LZTS3: variants seen among roughly 807,000 people sequenced by gnomAD.
LZTS3 encodes the protein leucine zipper tumor suppressor family member 3, also known as leucine zipper putative tumor suppressor 3.
In LZTS3, 16 loss-of-function variants were observed where a neutral mutation model predicts 50.9. The ratio of observed to expected loss-of-function variants is 0.31; its 90% CI spans 0.21 to 0.48. The LOEUF is 0.48. Ranked by LOEUF, LZTS3 falls within the 20% of genes least tolerant of loss-of-function variation. The pLI is 0.99. For missense variants in LZTS3, 816 were observed against 931.0 expected (o/e 0.88, Z 1.61); for synonymous variants, 408 against 410.6 (o/e 0.99, Z 0.08).
Position 3,165,170 on chromosome 20 carries a change from AGAG to A in LZTS3, c.1324-21_1324-19del, listed in dbSNP as rs1428738209. On this transcript the variant is annotated intron_variant, in intron 4 of 4. Coordinates refer to ENST00000337576, the MANE Select transcript of LZTS3 (RefSeq NM_001365618.1). The surrounding 1 kb of genome is among the most constrained non-coding windows in gnomAD (Gnocchi z 5.0). ...TGGCACACCTGGGCAGGAACAGGTG[AGAG>A]GAGAAGCCAGGTAAAGGCAGAGCTC... 1.2e-5 allele frequency: 18 copies of A among 1,517,900 alleles called. No individual in the cohort carries two copies. The African/African-American group carries it at 1.2e-4, about 10-fold the overall frequency. 94.0% of individuals were successfully genotyped at this position (1,517,900 alleles called of 1,614,324 possible). A position where few individuals can be genotyped will look rare whatever the true frequency, so the allele number is the denominator to read the frequency against.
chr20:3,165,675 G>A lies in LZTS3; in HGVS notation c.1145C>T (p.Ala382Val). ...CTGTAGGCCCTGCTGGGCGCGCTGG[G>A]CACGTCGGGCCACCTGCTGTAGCTT... is the stretch of plus-strand genomic sequence containing the variant. ...SGKLQQVARRAQRAQQGLQLQ... is the reference protein window; with the variant it reads ...SGKLQQVARRVQRAQQGLQLQ... Residue 382 changes from alanine to valine, a missense_variant, in exon 4 of 5, where the codon GCC becomes GTC. Coordinates refer to ENST00000337576, the MANE Select transcript of LZTS3 (RefSeq NM_001365618.1). The surrounding 1 kb of genome is among the most constrained non-coding windows in gnomAD (Gnocchi z 5.0). 6.3e-7 allele frequency: 1 copy of A among 1,585,048 alleles called. No homozygotes were observed. Among genetic ancestry groups the A allele is most frequent in the Non-Finnish European group, 8.5e-7 (1 of 1,173,218 alleles).
intron 1 of LZTS3, among the ~76,000 whole-genome samples, chr20:3,169,312 C>T (rs561377099): frequency 6.6e-6 from 1 of 152,320 alleles, no homozygotes; most frequent in South Asian, 2.1e-4. Flanking sequence ...TAAGTATGGA[C>T]CCTTCTCTTG....
At chr20:3,172,571 C>T (rs75857963) in intron 1 of LZTS3, among the ~76,000 whole-genome samples, 3,696 of 152,260 alleles carry the variant, frequency 0.024, 159 homozygotes, top group African/African-American at 0.084. Flanking sequence ...CTCCACCCCC[C>T]AGAGGGGGCA....
At chr20:3,173,223 G>A (rs1316926051) in intron 1 of LZTS3, among the ~76,000 whole-genome samples, 1 of 152,056 alleles carries the variant, frequency 6.6e-6, no homozygotes, top group Non-Finnish European at 1.5e-5. Context: ...GGCGCAGAGG[G>A]AAGAGGTGAC....
At chr20:3,172,857 G>A (rs55785911) in intron 1 of LZTS3, among the ~76,000 whole-genome samples, 48,930 of 151,986 alleles carry the variant, frequency 0.32, 8,574 homozygotes, top group South Asian at 0.59. Flanking sequence ...GGGGTGCAGA[G>A]ATATCCAGAA....
intron 1 of LZTS3, among the ~76,000 whole-genome samples, chr20:3,169,132 G>A (rs1455748413): frequency 6.6e-6 from 1 of 152,166 alleles, no homozygotes; most frequent in African/African-American, 2.4e-5. Context: ...AGAGAGCCAC[G>A]TAGGGCACAA....
At chr20:3,166,570 G>A in intron 3 of LZTS3, 135 bp downstream of exon 3, 2 of 1,244,378 alleles carry the variant, frequency 1.6e-6, no homozygotes, top group Non-Finnish European at 2.2e-6. Context: ...CAGGTCCCCA[G>A]TCCATGACTC....
chr20:3,164,531 G>C lies in LZTS3; in HGVS notation c.1945C>G (p.Pro649Ala). The change falls in exon 5 of 5, where the codon CCC becomes GCC. Residue 649 changes from proline (P) to alanine (A), a missense_variant. Pro to Ala is a conservative substitution (Grantham distance 27, BLOSUM62 -1). This residue lies in a region of LZTS3 where 107 missense variants were observed against 130.4 expected (regional missense o/e 0.82). Transcript: ENST00000337576. ...TTCTCCTCGCCATGCTGGGGAGTGG[G>C]CGTGCTTGCACCCCCTGCGGCCCCG... ...ERGAAGGAST[P>A]TPQHGEEKKA... 1 of 1,601,694 alleles carries C rather than the reference G, an allele frequency of 6.2e-7. No homozygotes were observed. Among genetic ancestry groups the C allele is most frequent in the South Asian group, 1.1e-5 (1 of 89,350 alleles).
In LZTS3 at chr20:3,167,158, C is replaced by G; in HGVS notation, c.6G>C (p.Ala2=). M[A]KLETLPVRAD... ...CGCGCACAGGCAGCGTCTCCAGCTT[C>G]GCCATGACTAAGCCAGGGGGGCACT... The change falls in exon 3 of 5, where the codon GCG becomes GCC. Residue 2 remains alanine (A), a synonymous_variant. Coordinates refer to ENST00000337576, the MANE Select transcript of LZTS3 (RefSeq NM_001365618.1). The G allele has an allele frequency of 6.8e-7, 1 of 1,476,682 alleles. No homozygotes were observed. The highest frequency in any genetic ancestry group is 1.4e-5 in the South Asian group (1 of 71,756). The allele number at this position is 1,476,682 out of a possible 1,614,324, so 91.5% of individuals were successfully genotyped here.
At position 3,166,911 on chromosome 20, in the gene LZTS3, G is replaced by A. The variant is rs146374515; in HGVS notation, c.253C>T (p.Arg85Cys). The stretch of plus-strand genomic sequence containing the variant: ...AGACCCTTGTCCTCTGAGGGGTAGC[G>A]GCCCGGCCTCTCCCTGCTGGCCCCA... ...GSGASRERPG[R>C]YPSEDKGLAN... The change falls in exon 3 of 5, where the codon CGC becomes TGC. Residue 85 changes from arginine to cysteine, a missense_variant. Arg to Cys is a radical substitution (Grantham distance 180, BLOSUM62 -3). Coordinates refer to ENST00000337576, the MANE Select transcript of LZTS3 (RefSeq NM_001365618.1). The A allele has an allele frequency of 1.3e-5, 21 of 1,612,108 alleles. No individual in the cohort carries two copies. Among genetic ancestry groups the A allele is most frequent in the African/African-American group, 2.7e-5 (2 of 74,920 alleles).
chr20:3,166,218 T>G lies in LZTS3; in HGVS notation c.602A>C (p.Asp201Ala), dbSNP rs1444689732. 6.2e-7 allele frequency: 1 copy of G among 1,613,670 alleles called. No individual in the cohort carries two copies. The highest frequency in any genetic ancestry group is 8.5e-7 in the Non-Finnish European group (1 of 1,179,900). ...QGPGGLKGGL[D>A]KSRTMTPAGG... Reference sequence around the variant, plus strand: ...CGCTGGAGTCATGGTCCGAGACTTGTCCAGTCCGCCTTTGAGGCCACCAGG... The same window carrying G: ...CGCTGGAGTCATGGTCCGAGACTTGGCCAGTCCGCCTTTGAGGCCACCAGG... The change falls in exon 4 of 5, where the codon GAC becomes GCC. Residue 201 changes from aspartate (D) to alanine (A), a missense_variant. Physicochemically the swap from Asp to Ala is moderately radical, Grantham distance 126. Transcript: ENST00000337576.
intron 1 of LZTS3, among the ~76,000 whole-genome samples, chr20:3,171,591 G>A (rs1349808675): frequency 1.3e-5 from 2 of 151,512 alleles, no homozygotes. Context: ...CTTGAACCCA[G>A]GAGGTGGAGG....
At chr20:3,170,494 A>AAAAAAC (rs2066890071) in intron 1 of LZTS3, among the ~76,000 whole-genome samples, 1 of 149,258 alleles carries the variant, frequency 6.7e-6, no homozygotes, top group African/African-American at 2.5e-5. Flanking sequence ...ATCAAAAAAA[A>AAAAAAC]AAAAAAAAAA....
At chr20:3,166,381 G>A (rs1207359444) in intron 3 of LZTS3, 21 bp from the exon 4 acceptor site, 4 of 1,577,836 alleles carry the variant, frequency 2.5e-6, no homozygotes, top group Non-Finnish European at 2.6e-6. Flanking sequence ...CGCAGGAGGG[G>A]GCTGGGGGTC....
At chr20:3,173,054 G>A (rs1483377939) in intron 1 of LZTS3, among the ~76,000 whole-genome samples, 1 of 151,882 alleles carries the variant, frequency 6.6e-6, no homozygotes, top group Non-Finnish European at 1.5e-5. Context: ...TGCTGGGGGT[G>A]GGAGGGGGGG....
intron 2 of LZTS3, chr20:3,167,533 C>T (rs1284765609): frequency 4.8e-6 from 5 of 1,047,794 alleles, no homozygotes; most frequent in African/African-American, 3.4e-5. Context: ...ACCCTCTCAA[C>T]TCTTTGCTGC....
At position 3,164,843 on chromosome 20, in the gene LZTS3, G is replaced by T; in HGVS notation, c.1633C>A (p.Arg545Ser). ...TCESDEAKMR[R>S]QAGVAAAASL... ...GCGGCAGCGGCCACCCCGGCCTGAC[G>T]GCGCATCTTAGCCTCGTCGCTCTCG... is the stretch of plus-strand genomic sequence containing the variant. The change falls in exon 5 of 5, where the codon CGT becomes AGT. Residue 545 changes from arginine to serine, a missense_variant. Coordinates refer to ENST00000337576, the MANE Select transcript of LZTS3 (RefSeq NM_001365618.1). 6.4e-7 allele frequency: 1 copy of T among 1,552,978 alleles called. No individual in the cohort carries two copies. Among genetic ancestry groups the T allele is most frequent in the South Asian group, 1.2e-5 (1 of 85,040 alleles).
At position 3,165,234 on chromosome 20, in the gene LZTS3, G is replaced by C. The variant is rs2066793006; in HGVS notation, c.1324-82C>G. 1 of 1,352,222 alleles carries C rather than the reference G, an allele frequency of 7.4e-7. No homozygotes were observed. The highest frequency in any genetic ancestry group is 9.8e-7 in the Non-Finnish European group (1 of 1,022,908). 83.8% of individuals were successfully genotyped at this position (1,352,222 alleles called of 1,614,324 possible). On this transcript the variant is annotated intron_variant, in intron 4 of 4. Transcript: ENST00000337576. The surrounding 1 kb of genome is among the most constrained non-coding windows in gnomAD (Gnocchi z 5.0). The stretch of plus-strand genomic sequence containing the variant: ...AACCCAGCTACCAGATCTGGAGCCA[G>C]GGGCACCAAGCTTCCCGGGGCTGCA...
rs765653928 is a variant in LZTS3, at chr20:3,166,316, T to A, written c.504A>T (p.Val168=). ...TCTGCATGGAGTGGAAATTCTTGGG[T>A]ACGACAGGCTTGAAGGCCGACGGCC... ...LVRPSAFKPV[V]PKNFHSMQNL... Residue 168 remains valine, a synonymous_variant, in exon 4 of 5, where the codon GTA becomes GTT. Coordinates refer to ENST00000337576, the MANE Select transcript of LZTS3 (RefSeq NM_001365618.1). 3.1e-6 allele frequency: 5 copies of A among 1,613,808 alleles called. No individual in the cohort carries two copies. The South Asian group carries it at 5.5e-5, about 18-fold the overall frequency.
Sources: allele counts gnomAD v4.1 joint callset (sites outside exome capture counted in the v4.1 genomes callset), GRCh38; gene constraint gnomAD v4.1.1; regional missense constraint gnomAD v4.1.1; non-coding constraint Gnocchi (gnomAD v3.1); transcripts MANE v1.5; gene names NCBI Gene and HGNC (gene_info 2026-07-23, HGNC 2026-07-21).